Variants in EYS observed in about 807,000 individuals in gnomAD.
EYS encodes the protein protein eyes shut homolog.
Under a neutral mutation model 282.1 loss-of-function variants are expected in EYS, and 250 were observed. The observed-to-expected ratio is 0.89, with a 90% CI of 0.80 to 0.98. The LOEUF is 0.98. Ranked by LOEUF, EYS falls within the 50% of genes least tolerant of loss-of-function variation. EYS has a pLI of 0.00. For synonymous variants in EYS, 1,355 were observed against 1,282.9 expected, an observed-to-expected ratio of 1.06 and a Z score of -1.20; for missense variants, 4,016 against 3,709.0, an observed-to-expected ratio of 1.08 and a Z score of -2.15.
At chr6:65,107,833 A>C (rs1423941329) in intron 12 of EYS, among the ~76,000 whole-genome samples, 1 of 152,008 alleles carries the variant, frequency 6.6e-6, no homozygotes, top group Non-Finnish European at 1.5e-5. Context: ...GTTGCCCTAG[A>C]TATTATGATT....
At chr6:64,756,447 C>T (rs1202420883) in intron 22 of EYS, among the ~76,000 whole-genome samples, 1 of 152,100 alleles carries the variant, frequency 6.6e-6, no homozygotes, top group East Asian at 1.9e-4. Flanking sequence ...GAATTCAAGC[C>T]ATAATGCCTT....
intron 2 of EYS, among the ~76,000 whole-genome samples, chr6:65,587,228 A>G (rs1311351880): frequency 6.6e-6 from 1 of 152,014 alleles, no homozygotes; most frequent in Non-Finnish European, 1.5e-5. Context: ...TCAACTTACT[A>G]CTTACTGGAG....
At chr6:65,143,232 A>T (rs916169953) in intron 12 of EYS, among the ~76,000 whole-genome samples, 1 of 151,108 alleles carries the variant, frequency 6.6e-6, no homozygotes, top group Non-Finnish European at 1.5e-5. Flanking sequence ...CAACATGGAT[A>T]TTCCTTAAAA....
At chr6:64,461,872 T>C (rs536571963) in intron 26 of EYS, among the ~76,000 whole-genome samples, 1 of 152,280 alleles carries the variant, frequency 6.6e-6, no homozygotes, top group African/African-American at 2.4e-5. Flanking sequence ...ATTTTGAAAA[T>C]TAATTTTATT....
At chr6:64,208,163 T>C (rs1194836474) in intron 31 of EYS, among the ~76,000 whole-genome samples, 3 of 152,236 alleles carry the variant, frequency 2.0e-5, no homozygotes, top group Non-Finnish European at 4.4e-5. Context: ...TTATCGTTCA[T>C]GTGTTCCACA....
intron 12 of EYS, among the ~76,000 whole-genome samples, chr6:65,240,928 G>A (rs1474082251): frequency 2.6e-5 from 4 of 151,978 alleles, no homozygotes; most frequent in African/African-American, 9.7e-5. Flanking sequence ...CCCTTTCTTG[G>A]CAACACAATT....
chr6:65,672,369 T>C (rs554921919), intron 1 of EYS, among the ~76,000 whole-genome samples: 2 of 152,034 alleles, frequency 1.3e-5, no homozygotes, highest in East Asian at 3.9e-4. Context: ...AAGGAGGAAA[T>C]TTCAGCTTCT....
intron 33 of EYS, among the ~76,000 whole-genome samples, chr6:64,035,164 T>C (rs1217002303): frequency 6.6e-6 from 1 of 152,228 alleles, no homozygotes; most frequent in Non-Finnish European, 1.5e-5. Flanking sequence ...TCCAGTGTGA[T>C]AAACTCTTTA....
intron 5 of EYS, among the ~76,000 whole-genome samples, chr6:65,460,426 C>T (rs1266201719): frequency 2.0e-5 from 3 of 151,940 alleles, no homozygotes; most frequent in Admixed American, 1.3e-4. Flanking sequence ...ATTATTTTCT[C>T]TTTTGAGAAC....
chr6:64,728,803 G>A (rs1262386637), intron 22 of EYS: 1 of 152,288 alleles, frequency 6.6e-6, no homozygotes, highest in Non-Finnish European at 1.5e-5. Flanking sequence ...CTCTTGTTCA[G>A]TGTCCAGGAA....
chr6:64,937,447 G>A (rs1768946056), intron 15 of EYS, among the ~76,000 whole-genome samples: 1 of 151,430 alleles, frequency 6.6e-6, no homozygotes, highest in Admixed American at 6.6e-5. Flanking sequence ...TAAGATAAAA[G>A]GTACATAACT....
chr6:64,571,534 G>T (rs1265975780), intron 26 of EYS, among the ~76,000 whole-genome samples: 3 of 151,946 alleles, frequency 2.0e-5, no homozygotes. Flanking sequence ...TCACTAGCCA[G>T]ACTAATAAAG....
intron 12 of EYS, among the ~76,000 whole-genome samples, chr6:65,164,887 AT>A (rs1380435251): frequency 1.3e-5 from 2 of 151,206 alleles, no homozygotes; most frequent in African/African-American, 4.8e-5. Flanking sequence ...GTGTGCTTGT[AT>A]CTGTGTTCCC....
chr6:64,217,186 T>A (rs1055112256), intron 31 of EYS, among the ~76,000 whole-genome samples: 6 of 152,188 alleles, frequency 3.9e-5, no homozygotes, highest in African/African-American at 1.4e-4. Flanking sequence ...TTGGGTATAG[T>A]TGAATCTCCT....
chr6:63,825,342 G>C (rs949763576), intron 36 of EYS, among the ~76,000 whole-genome samples: 1 of 152,176 alleles, frequency 6.6e-6, no homozygotes. Context: ...GACAAAGGGC[G>C]TATAATCTTG....
intron 19 of EYS, among the ~76,000 whole-genome samples, chr6:64,845,937 T>G (rs1157119806): frequency 1.3e-5 from 2 of 152,146 alleles, no homozygotes; most frequent in Admixed American, 6.6e-5. Flanking sequence ...CTGTTTTCAC[T>G]GGCATAGGTC....
intron 15 of EYS, among the ~76,000 whole-genome samples, chr6:64,936,128 T>C (rs1487270804): frequency 6.6e-6 from 1 of 151,660 alleles, no homozygotes; most frequent in Non-Finnish European, 1.5e-5. Context: ...TTCTGCAAGG[T>C]TGGTTTTAAA....
chr6:65,206,610 C>T (rs1238597886), intron 12 of EYS, among the ~76,000 whole-genome samples: 1 of 151,704 alleles, frequency 6.6e-6, no homozygotes, highest in East Asian at 1.9e-4. Flanking sequence ...CTCTGACGAA[C>T]ATGGATGTAA....
At chr6:64,395,405 G>C (rs1773326603) in intron 28 of EYS, among the ~76,000 whole-genome samples, 1 of 152,102 alleles carries the variant, frequency 6.6e-6, no homozygotes, top group African/African-American at 2.4e-5. Flanking sequence ...ATGATAGACT[G>C]GATTAAGAAA....
Sources: allele counts gnomAD v4.1 joint callset (sites outside exome capture counted in the v4.1 genomes callset), GRCh38; gene constraint gnomAD v4.1.1; transcripts MANE v1.5; gene names NCBI Gene and HGNC (gene_info 2026-07-23, HGNC 2026-07-21).